The following RIPOR2 variants were observed in gnomAD, a reference collection of about 807,000 sequenced individuals.
RIPOR2 encodes the protein RHO family interacting cell polarization regulator 2.
A neutral mutation model predicts 114.5 loss-of-function variants in RIPOR2; 39 were observed. That is an observed-to-expected ratio of 0.34 (90% CI 0.26 to 0.44). The LOEUF (loss-of-function observed/expected upper bound fraction) is 0.44. Ranked by LOEUF, RIPOR2 falls within the 20% of genes least tolerant of loss-of-function variation. The pLI, the probability that RIPOR2 is intolerant of heterozygous loss-of-function variation, is 1.00. For synonymous variants in RIPOR2, 445 were observed against 484.4 expected, an observed-to-expected ratio of 0.92 and a Z score of 1.07; for missense variants, 1,007 against 1,255.1, an observed-to-expected ratio of 0.80 and a Z score of 2.99.
chr6:24,875,484 C>T (rs948621475), intron 2 of RIPOR2, among the ~76,000 whole-genome samples: 1 of 152,202 alleles, frequency 6.6e-6, no homozygotes, highest in African/African-American at 2.4e-5. Flanking sequence ...AAATCCTCAG[C>T]CATCATCCTT....
upstream of RIPOR2, among the ~76,000 whole-genome samples, chr6:24,940,651 ATTTTTT>A (rs570652051): frequency 2.0e-5 from 3 of 148,098 alleles, no homozygotes; most frequent in African/African-American, 7.4e-5. Flanking sequence ...AAGGAATACG[ATTTTTT>A]TTTTTTGAAA....
chr6:24,876,126 A>C (rs921569277), intron 1 of RIPOR2, among the ~76,000 whole-genome samples: 1 of 152,026 alleles, frequency 6.6e-6, no homozygotes, highest in East Asian at 1.9e-4. Context: ...CCCCATCTCT[A>C]CTAAAAATAC....
chr6:24,926,102 C>G (rs1770842077), intron 1 of RIPOR2, among the ~76,000 whole-genome samples: 1 of 152,118 alleles, frequency 6.6e-6, no homozygotes, highest in Non-Finnish European at 1.5e-5. Flanking sequence ...TCCTAAAATA[C>G]TTAATATATA....
At chr6:24,882,259 C>G (rs931099961) in intron 1 of RIPOR2, among the ~76,000 whole-genome samples, 1 of 152,182 alleles carries the variant, frequency 6.6e-6, no homozygotes, top group African/African-American at 2.4e-5. Context: ...AGTTAGCAAG[C>G]CTCTCTTCAA....
rs372281502 is a variant in RIPOR2, at chr6:25,003,772, CT to C, written c.76+38078del. ...GGTAGCATTACCTCTTATTCCAAGC[CT>C]AACTTTTTTATATTTTCAGTAGAAT... On this transcript the variant is annotated intron_variant, in intron 1 of 13. Transcript: ENST00000510784. Among the ~76,000 whole-genome samples the C allele has an allele frequency of 2.6e-3, 391 of 152,282 alleles. 1 individual carries two copies. The highest frequency in any genetic ancestry group is 8.4e-3 in the African/African-American group (348 of 41,536).
chr6:24,971,114 G>C (rs958260044), intron 1 of RIPOR2, among the ~76,000 whole-genome samples: 2 of 152,200 alleles, frequency 1.3e-5, no homozygotes, highest in Non-Finnish European at 2.9e-5. Flanking sequence ...ATGCTTCATA[G>C]GGACTTAGAA....
At chr6:24,839,434 G>C in intron 13 of RIPOR2, 162 bp from the exon 14 acceptor site, 2 of 1,431,150 alleles carry the variant, frequency 1.4e-6, no homozygotes, top group Non-Finnish European at 9.3e-7. Flanking sequence ...ATCCAAAAAA[G>C]AAGTACAACC....
upstream of RIPOR2, among the ~76,000 whole-genome samples, chr6:24,940,634 G>T (rs1356575090): frequency 6.6e-6 from 1 of 152,006 alleles, no homozygotes; most frequent in Non-Finnish European, 1.5e-5. Flanking sequence ...CTAAAGAGCT[G>T]GGACAAAAGG....
At chr6:25,021,101 C>T (rs1190613021) in intron 1 of RIPOR2, among the ~76,000 whole-genome samples, 1 of 152,128 alleles carries the variant, frequency 6.6e-6, no homozygotes, top group Non-Finnish European at 1.5e-5. Flanking sequence ...TCAGGTGATC[C>T]ACCCACCTCG....
intron 21 of RIPOR2, 50 bp downstream of exon 21, chr6:24,809,667 A>G (rs1452079331): frequency 2.5e-6 from 3 of 1,212,798 alleles, no homozygotes; most frequent in Non-Finnish European, 2.4e-6. Flanking sequence ...AACATCCGTT[A>G]GAGAGTGCCA....
At chr6:24,847,803 G>C in intron 12 of RIPOR2, 2 of 1,200,324 alleles carry the variant, frequency 1.7e-6, no homozygotes, top group Non-Finnish European at 2.3e-6. Flanking sequence ...TTATTTATAT[G>C]CACTTCTTTA....
At chr6:24,927,203 G>T (rs57219794) in intron 1 of RIPOR2, among the ~76,000 whole-genome samples, 5,000 of 5,070 alleles carry the variant, frequency 0.99, 2,475 homozygotes, top group South Asian at 1. Flanking sequence ...ACAACTACAA[G>T]CACCACCACC....
intron 1 of RIPOR2, among the ~76,000 whole-genome samples, chr6:24,969,708 T>G (rs1561815486): frequency 1.3e-5 from 2 of 152,092 alleles, no homozygotes; most frequent in African/African-American, 2.4e-5. Flanking sequence ...TTCACTTCCC[T>G]CCACTCTCCC....
At chr6:24,824,919 T>C (rs1760022395) in intron 19 of RIPOR2, among the ~76,000 whole-genome samples, 1 of 152,198 alleles carries the variant, frequency 6.6e-6, no homozygotes, top group African/African-American at 2.4e-5. Flanking sequence ...AAAATAACCA[T>C]GATATATTAC....
At chr6:24,976,601 T>G (rs1426004517) in intron 1 of RIPOR2, 50 of 1,608,106 alleles carry the variant, frequency 3.1e-5, no homozygotes, top group Non-Finnish European at 4.0e-5. Context: ...TTTCGTGCTC[T>G]GAGCACTGGA....
At chr6:24,874,211 T>C (rs1182427504) in intron 2 of RIPOR2, among the ~76,000 whole-genome samples, 1 of 152,102 alleles carries the variant, frequency 6.6e-6, no homozygotes, top group Non-Finnish European at 1.5e-5. Context: ...TTTTTTTCTT[T>C]GTAGAGATAG....
intron 1 of RIPOR2, among the ~76,000 whole-genome samples, chr6:25,017,062 C>T (rs1776040656): frequency 2.6e-5 from 4 of 152,124 alleles, no homozygotes; most frequent in Non-Finnish European, 1.5e-5. Flanking sequence ...GAAGTGGCAC[C>T]GGCACGGTGG....
intron 1 of RIPOR2, among the ~76,000 whole-genome samples, chr6:24,902,136 C>G (rs543694574): frequency 6.6e-6 from 1 of 152,050 alleles, no homozygotes; most frequent in African/African-American, 2.4e-5. Flanking sequence ...AGTAAGGGAT[C>G]GCCAGTTGTG....
intron 1 of RIPOR2, among the ~76,000 whole-genome samples, chr6:25,030,623 A>G (rs1211236826): frequency 6.6e-6 from 1 of 152,206 alleles, no homozygotes; most frequent in Non-Finnish European, 1.5e-5. Flanking sequence ...AAGGCTACAT[A>G]CTGTATGATT....
Sources: gnomAD v4.1 joint callset for allele counts (sites outside exome capture counted in the v4.1 genomes callset) on GRCh38, gnomAD v4.1.1 for gene constraint, MANE v1.5 for transcripts, NCBI Gene and HGNC (gene_info 2026-07-23, HGNC 2026-07-21) for gene names.